Variants in ADK observed in about 807,000 individuals in gnomAD.
ADK encodes adenosine kinase.
Under a neutral mutation model 44.7 loss-of-function variants are expected in ADK, and 24 were observed. The ratio of observed to expected loss-of-function variants is 0.54; its 90% confidence interval spans 0.39 to 0.76. The LOEUF (loss-of-function observed/expected upper bound fraction) is 0.76, where lower values mean the gene tolerates loss of function less well. ADK is among the 30% of genes least tolerant of loss of function. The pLI is 0.00. For missense variants in ADK, 321 were observed against 425.1 expected, an observed-to-expected ratio of 0.76 and a Z score of 2.15; for synonymous variants, 128 against 142.6, an observed-to-expected ratio of 0.90 and a Z score of 0.73.
chr10:74,618,278 T>G (rs1852851479), intron 9 of ADK, among the ~76,000 whole-genome samples: 1 of 152,078 alleles, frequency 6.6e-6, no homozygotes, highest in Non-Finnish European at 1.5e-5. Flanking sequence ...TTTGGATTGA[T>G]CAAGTATTTT....
intron 10 of ADK, among the ~76,000 whole-genome samples, chr10:74,696,317 G>A (rs1210535274): frequency 6.6e-6 from 1 of 150,960 alleles, no homozygotes; most frequent in Non-Finnish European, 1.5e-5. Flanking sequence ...CATTACGCCT[G>A]GCCTGATTAT....
intron 3 of ADK, among the ~76,000 whole-genome samples, chr10:74,228,862 T>C (rs1266423761): frequency 1.3e-5 from 2 of 152,184 alleles, no homozygotes; most frequent in Non-Finnish European, 1.5e-5. Flanking sequence ...CCATACTACT[T>C]AACACAGAGT....
chr10:74,679,258 AT>A (rs1312112070), intron 10 of ADK, among the ~76,000 whole-genome samples: 2 of 152,202 alleles, frequency 1.3e-5, no homozygotes, highest in Non-Finnish European at 2.9e-5. Flanking sequence ...GTACCAGTCT[AT>A]GACATAAGAG....
chr10:74,580,452 G>A (rs1851335429), intron 7 of ADK, among the ~76,000 whole-genome samples: 1 of 152,014 alleles, frequency 6.6e-6, no homozygotes, highest in African/African-American at 2.4e-5. Flanking sequence ...GCACACGCCT[G>A]TAATCCCAGC....
rs775263621 is a variant in ADK, at chr10:74,360,006, T to C, written c.274-34135T>C. 1.9e-3 allele frequency among the ~76,000 whole-genome samples: 288 copies of C among 152,186 alleles called. 14 individuals carry two copies. Among genetic ancestry groups the C allele is most frequent in the Non-Finnish European group, 8.4e-4 (57 of 68,030 alleles). On this transcript the variant is annotated intron_variant, in intron 4 of 10. Coordinates refer to ENST00000539909, the MANE Select transcript of ADK (RefSeq NM_006721.4). ...GTCGATTTTGTATCTGACAACTTAATAAATTCACTTACCAGTTCTAATATA... is the reference window on the plus strand; with the variant it reads ...GTCGATTTTGTATCTGACAACTTAACAAATTCACTTACCAGTTCTAATATA...
Position 74,383,386 on chromosome 10 carries a change from GTCTGTC to G in ADK, c.274-10733_274-10728del, listed in dbSNP as rs57151626. Among the ~76,000 whole-genome samples the G allele has an allele frequency of 5.2e-3, 781 of 150,446 alleles. 9 individuals are homozygous for G. The highest frequency in any genetic ancestry group is 0.018 in the African/African-American group (751 of 41,102). ...GTTTTCTGATTCCAGTAGTCAGTCTGTCTGTCTCTGTCTCTGTCTCTGTCTCTCTCT... is the reference window on the plus strand; with the variant it reads ...GTTTTCTGATTCCAGTAGTCAGTCTGTCTGTCTCTGTCTCTGTCTCTCTCT... On this transcript the variant is annotated intron_variant, in intron 4 of 10. Coordinates refer to ENST00000539909, the MANE Select transcript of ADK (RefSeq NM_006721.4).
At chr10:74,164,361 C>A (rs1407832521) in intron 1 of ADK, among the ~76,000 whole-genome samples, 6 of 151,914 alleles carry the variant, frequency 3.9e-5, no homozygotes, top group Admixed American at 3.9e-4. Context: ...CATGTTGAAA[C>A]CCTGTCTCTA....
chr10:74,576,913 AT>A (rs1564801483), intron 7 of ADK, among the ~76,000 whole-genome samples: 1 of 152,082 alleles, frequency 6.6e-6, no homozygotes, highest in Non-Finnish European at 1.5e-5. Flanking sequence ...TGGTAGATAC[AT>A]TTCTTGATTC....
At chr10:74,333,273 A>G (rs1371636255) in intron 4 of ADK, among the ~76,000 whole-genome samples, 1 of 152,204 alleles carries the variant, frequency 6.6e-6, no homozygotes, top group African/African-American at 2.4e-5. Flanking sequence ...CATTAAAAAT[A>G]TGGCATCTAC....
intron 4 of ADK, among the ~76,000 whole-genome samples, chr10:74,390,216 T>C (rs10762606): frequency 0.65 from 98,053 of 151,870 alleles, 32,945 homozygotes; most frequent in Middle Eastern, 0.8. Context: ...GTTAAATTTA[T>C]ACTTTCACTA....
At chr10:74,365,310 T>C (rs1842464120) in intron 4 of ADK, among the ~76,000 whole-genome samples, 1 of 152,222 alleles carries the variant, frequency 6.6e-6, no homozygotes, top group African/African-American at 2.4e-5. Context: ...CGTTCATCCA[T>C]TAATCAGCTT....
intron 4 of ADK, among the ~76,000 whole-genome samples, chr10:74,386,998 G>A (rs536274226): frequency 2.6e-5 from 4 of 151,946 alleles, no homozygotes; most frequent in East Asian, 1.9e-4. Context: ...GCGCAGTGGC[G>A]GGATCTTGGC....
chr10:74,391,565 A>G (rs1334749787), intron 4 of ADK, among the ~76,000 whole-genome samples: 9 of 151,096 alleles, frequency 6.0e-5, no homozygotes, highest in Non-Finnish European at 1.2e-4. Context: ...TATATGGTTG[A>G]GTGAGGTGGC....
At chr10:74,634,492 C>T (rs2134074651) in intron 9 of ADK, among the ~76,000 whole-genome samples, 1 of 151,992 alleles carries the variant, frequency 6.6e-6, no homozygotes, top group African/African-American at 2.4e-5. Flanking sequence ...GGATTACAGG[C>T]GTGAGCCACC....
intron 4 of ADK, among the ~76,000 whole-genome samples, chr10:74,379,612 A>G (rs991903723): frequency 2.0e-5 from 3 of 152,160 alleles, no homozygotes; most frequent in Non-Finnish European, 2.9e-5. Context: ...TAATATGCCA[A>G]AGTTTTTCCT....
At chr10:74,653,521 T>G (rs1432226392) in intron 9 of ADK, among the ~76,000 whole-genome samples, 1 of 152,138 alleles carries the variant, frequency 6.6e-6, no homozygotes, top group Non-Finnish European at 1.5e-5. Context: ...TTTTTTCCCC[T>G]GGTGCTGCAG....
intron 2 of ADK, among the ~76,000 whole-genome samples, chr10:74,224,078 A>C (rs921789154): frequency 2.0e-5 from 3 of 152,032 alleles, no homozygotes; most frequent in African/African-American, 7.2e-5. Flanking sequence ...ACTCTATCTC[A>C]ACAAATAAAC....
chr10:74,308,752 A>G (rs1037520673), intron 3 of ADK, among the ~76,000 whole-genome samples: 8 of 152,180 alleles, frequency 5.3e-5, no homozygotes, highest in African/African-American at 1.9e-4. Context: ...TAAATGTTCA[A>G]AAATTGTTAA....
At position 74,170,385 on chromosome 10, in the gene ADK, G is replaced by T. The variant is rs568462418; in HGVS notation, c.65+19042G>T. Among the ~76,000 whole-genome samples, 46 of 152,118 alleles carry T rather than the reference G, an allele frequency of 3.0e-4. 2 individuals are homozygous for T. In the South Asian group the frequency reaches 7.5e-3, roughly 25 times the overall value. ...ATTAGCCCAATTTGTCTAAAAATAA[G>T]GGTAGTTTTGACGGTTGTGAATTTC... On this transcript the variant is annotated intron_variant, in intron 1 of 10. Transcript: ENST00000539909.
Sources: allele counts gnomAD v4.1 joint callset (sites outside exome capture counted in the v4.1 genomes callset), GRCh38; gene constraint gnomAD v4.1.1; transcripts MANE v1.5; gene names NCBI Gene and HGNC (gene_info 2026-07-23, HGNC 2026-07-21).